NKAIN2: variants seen among roughly 807,000 people sequenced by gnomAD.
NKAIN2 encodes the protein sodium/potassium-transporting ATPase subunit beta-1-interacting protein 2.
NKAIN2 carries 14 observed loss-of-function variants against 32.6 expected under a neutral mutation model. The ratio of observed to expected loss-of-function variants is 0.43; its 90% confidence interval spans 0.28 to 0.67. The LOEUF is 0.67. Among genes scored for constraint, NKAIN2 ranks in the 30% least tolerant of loss-of-function variants. The pLI, the probability that NKAIN2 is intolerant of heterozygous loss-of-function variation, is 0.17. For missense variants in NKAIN2, 198 were observed against 258.3 expected (o/e 0.77, Z 1.60); for synonymous variants, 80 against 87.2 (o/e 0.92, Z 0.46).
chr6:124,777,626 G>A (rs1275998416), intron 4 of NKAIN2, among the ~76,000 whole-genome samples: 1 of 152,126 alleles, frequency 6.6e-6, no homozygotes, highest in Non-Finnish European at 1.5e-5. Context: ...AAGTCTGCCT[G>A]CCTTTTAGGA....
intron 4 of NKAIN2, among the ~76,000 whole-genome samples, chr6:124,713,496 G>C (rs1775600836): frequency 6.6e-6 from 1 of 152,174 alleles, no homozygotes; most frequent in Non-Finnish European, 1.5e-5. Context: ...CAAGCTTAAA[G>C]TTGCATTAAA....
At chr6:123,967,787 G>A (rs1490488127) in intron 1 of NKAIN2, among the ~76,000 whole-genome samples, 1 of 152,146 alleles carries the variant, frequency 6.6e-6, no homozygotes, top group Non-Finnish European at 1.5e-5. Flanking sequence ...TTTAAGTATA[G>A]AGTGAGGGTT....
chr6:124,633,752 G>A lies in NKAIN2; in HGVS notation c.274-24434G>A, dbSNP rs572704567. ...TTAAAATCTTTGGAGCCCAGTACCC[G>A]TGCACACCACATTACAACTGATGGC... On this transcript the variant is annotated intron_variant, in intron 3 of 6. Transcript: ENST00000368417. 5.9e-5 allele frequency among the ~76,000 whole-genome samples: 9 copies of A among 152,232 alleles called. No homozygotes were observed. In the South Asian group the frequency reaches 1.4e-3, roughly 25 times the overall value.
chr6:123,966,946 G>A (rs1778107799), intron 1 of NKAIN2, among the ~76,000 whole-genome samples: 1 of 151,984 alleles, frequency 6.6e-6, no homozygotes, highest in Admixed American at 6.6e-5. Context: ...AACTATTAAG[G>A]ACATAGTTAA....
At chr6:124,707,533 T>C (rs28799979) in intron 4 of NKAIN2, among the ~76,000 whole-genome samples, 27,338 of 95,130 alleles carry the variant, frequency 0.29, 5,282 homozygotes, top group African/African-American at 0.39. Context: ...GATTGCCATT[T>C]TAACTGGTGT....
At chr6:124,310,724 A>T (rs547780316) in intron 2 of NKAIN2, among the ~76,000 whole-genome samples, 2 of 152,292 alleles carry the variant, frequency 1.3e-5, no homozygotes, top group Non-Finnish European at 2.9e-5. Flanking sequence ...ATGTTAGTGA[A>T]TAATTATGAT....
intron 4 of NKAIN2, among the ~76,000 whole-genome samples, chr6:124,701,286 GA>G (rs1200582022): frequency 1.3e-5 from 2 of 151,858 alleles, no homozygotes; most frequent in Non-Finnish European, 2.9e-5. Context: ...TATAAGAAAG[GA>G]TGTTAAATTG....
At chr6:124,792,257 G>A (rs1228217762) in intron 5 of NKAIN2, among the ~76,000 whole-genome samples, 1 of 152,110 alleles carries the variant, frequency 6.6e-6, no homozygotes, top group Admixed American at 6.5e-5. Context: ...AGAGGAAGGT[G>A]AGAATATGGT....
chr6:124,460,468 A>G (rs1202236426), intron 3 of NKAIN2, among the ~76,000 whole-genome samples: 1 of 145,354 alleles, frequency 6.9e-6, no homozygotes, highest in Non-Finnish European at 1.5e-5. Context: ...TCTTTAGTTA[A>G]CCCTCATTCT....
chr6:123,913,443 GCT>G (rs1362644520), intron 1 of NKAIN2, among the ~76,000 whole-genome samples: 1 of 152,028 alleles, frequency 6.6e-6, no homozygotes, highest in Non-Finnish European at 1.5e-5. Context: ...CTGTTCTCTG[GCT>G]CTGTTTTGAT....
At position 124,060,221 on chromosome 6, in the gene NKAIN2, C is replaced by T. The variant is rs560862628; in HGVS notation, c.55-222784C>T. On this transcript the variant is annotated intron_variant, in intron 1 of 6. Coordinates refer to ENST00000368417, the MANE Select transcript of NKAIN2 (RefSeq NM_001040214.3). ...ATTTGGCTTTCAGAGACACCTTGATCCTGTTATGCCTAGGGCCTATGCCAG... is the reference window on the plus strand; with the variant it reads ...ATTTGGCTTTCAGAGACACCTTGATTCTGTTATGCCTAGGGCCTATGCCAG... Among the ~76,000 whole-genome samples, 3 of 152,244 alleles carry T rather than the reference C, an allele frequency of 2.0e-5. No individual in the cohort carries two copies. In the South Asian group the frequency reaches 6.2e-4, roughly 32 times the overall value.
At chr6:124,227,166 C>A (rs1792163765) in intron 1 of NKAIN2, among the ~76,000 whole-genome samples, 3 of 151,228 alleles carry the variant, frequency 2.0e-5, no homozygotes, top group Admixed American at 1.3e-4. Context: ...TGCATTTATG[C>A]CACTTAGAGG....
In NKAIN2 at chr6:123,804,127, T is replaced by G; in HGVS notation, c.-74T>G. ...CAGGTTTGCGTGTCCTTCCCCGCGATCTGATTGGATAAAGTGGGGGCTCGA... is the reference window on the plus strand; with the variant it reads ...CAGGTTTGCGTGTCCTTCCCCGCGAGCTGATTGGATAAAGTGGGGGCTCGA... On this transcript the variant is annotated 5_prime_UTR_variant, in exon 1 of 7. Transcript: ENST00000368417. 1 of 1,377,390 alleles carries G rather than the reference T, an allele frequency of 7.3e-7. No individual in the cohort carries two copies. The allele number at this position is 1,377,390 out of a possible 1,614,324, so 85.3% of individuals were successfully genotyped here. A position where few individuals can be genotyped will look rare whatever the true frequency, so the allele number is the denominator to read the frequency against.
intron 1 of NKAIN2, among the ~76,000 whole-genome samples, chr6:124,236,846 G>T (rs923390257): frequency 6.6e-6 from 1 of 152,096 alleles, no homozygotes; most frequent in African/African-American, 2.4e-5. Context: ...AGACACTAAA[G>T]GTATTGGAAA....
At chr6:124,051,350 C>A (rs1041295137) in intron 1 of NKAIN2, among the ~76,000 whole-genome samples, 1 of 151,906 alleles carries the variant, frequency 6.6e-6, no homozygotes, top group East Asian at 1.9e-4. Flanking sequence ...TCAGAAAGAA[C>A]AATTTTTTAA....
chr6:124,169,365 A>G (rs1028623713), intron 1 of NKAIN2, among the ~76,000 whole-genome samples: 1 of 152,172 alleles, frequency 6.6e-6, no homozygotes, highest in Non-Finnish European at 1.5e-5. Flanking sequence ...TCTTTTTGCA[A>G]TCAAAGTAGA....
At chr6:123,876,976 A>G (rs938343010) in intron 1 of NKAIN2, among the ~76,000 whole-genome samples, 2 of 152,138 alleles carry the variant, frequency 1.3e-5, no homozygotes, top group African/African-American at 4.8e-5. Flanking sequence ...CTTGTTTTTC[A>G]GGCACAAAAA....
chr6:124,103,399 G>C (rs234469), intron 1 of NKAIN2, among the ~76,000 whole-genome samples: 101,531 of 151,966 alleles, frequency 0.67, 34,039 homozygotes, highest in East Asian at 0.74. Context: ...CTATATAGCA[G>C]TCCTGTGCAA....
Position 124,073,384 on chromosome 6 carries a change from G to A in NKAIN2, c.55-209621G>A, listed in dbSNP as rs528893242. On this transcript the variant is annotated intron_variant, in intron 1 of 6. Coordinates refer to ENST00000368417, the MANE Select transcript of NKAIN2 (RefSeq NM_001040214.3). Reference sequence around the variant, plus strand: ...TGCTAAAGTATATTTAAAGTGATTCGTGAATGTCTTATAACTTCTGATAAA... The same window carrying A: ...TGCTAAAGTATATTTAAAGTGATTCATGAATGTCTTATAACTTCTGATAAA... 5.9e-5 allele frequency among the ~76,000 whole-genome samples: 9 copies of A among 152,258 alleles called. No homozygotes were observed. The South Asian group carries it at 1.5e-3, about 25-fold the overall frequency.
Sources: allele counts gnomAD v4.1 joint callset (sites outside exome capture counted in the v4.1 genomes callset), GRCh38; gene constraint gnomAD v4.1.1; transcripts MANE v1.5; gene names NCBI Gene and HGNC (gene_info 2026-07-23, HGNC 2026-07-21).